The following ART3 variants were observed in gnomAD, a reference collection of about 807,000 sequenced individuals.
The protein encoded by ART3 is ecto-ADP-ribosyltransferase 3.
In ART3, 49 loss-of-function variants were observed where a neutral mutation model predicts 48.5. The ratio of observed to expected loss-of-function variants is 1.01; its 90% confidence interval spans 0.80 to 1.28. The LOEUF (loss-of-function observed/expected upper bound fraction) is 1.28, where lower values mean the gene tolerates loss of function less well. Among genes scored for constraint, ART3 ranks in the 50% most tolerant of loss-of-function variants. The pLI is 0.00. For missense variants in ART3, 438 were observed against 454.3 expected (o/e 0.96, Z 0.33); for synonymous variants, 145 against 157.2 (o/e 0.92, Z 0.58).
At chr4:76,022,023 A>T in intron 1 of ART3, 1 of 1,328,022 alleles carries the variant, frequency 7.5e-7, no homozygotes, top group Non-Finnish European at 1.1e-6. Flanking sequence ...TTTGGAAAGT[A>T]CCGAGTTCAT....
In ART3 at chr4:76,082,348, C is replaced by T. The variant is rs1419554887; in HGVS notation, c.594C>T (p.Leu198=). The part of the protein sequence containing the change: ...SAKPQAANDQ[L]TVLSIYTCLG... ...AACCTCAGGCTGCTAATGACCAGCTCACTGTGTTATCCATCTACACATGCC... is the reference window on the plus strand; with the variant it reads ...AACCTCAGGCTGCTAATGACCAGCTTACTGTGTTATCCATCTACACATGCC... Residue 198 remains leucine (L), a synonymous_variant, in exon 3 of 12, where the codon CTC becomes CTT. Coordinates refer to ENST00000355810, the MANE Select transcript of ART3 (RefSeq NM_001130016.3). 3 of 1,613,850 alleles carry T rather than the reference C, an allele frequency of 1.9e-6. No homozygotes were observed. In the South Asian group the frequency reaches 3.3e-5, roughly 18 times the overall value.
At chr4:76,011,711 TG>T (rs1302270756) in intron 1 of ART3, among the ~76,000 whole-genome samples, 1 of 152,208 alleles carries the variant, frequency 6.6e-6, no homozygotes, top group African/African-American at 2.4e-5. Flanking sequence ...CCCTACTTCG[TG>T]GTGAAACTGT....
chr4:76,028,209 C>A (rs1733581425), intron 1 of ART3, among the ~76,000 whole-genome samples: 1 of 152,050 alleles, frequency 6.6e-6, no homozygotes, highest in Non-Finnish European at 1.5e-5. Flanking sequence ...CAGTAGCAAG[C>A]CCACTATTAC....
intron 1 of ART3, among the ~76,000 whole-genome samples, chr4:76,011,834 C>T (rs545086192): frequency 6.6e-6 from 1 of 152,260 alleles, no homozygotes; most frequent in East Asian, 1.9e-4. Context: ...ACTTGTCATG[C>T]AAAGTCTGAG....
chr4:76,034,101 T>A, intron 1 of ART3: 1 of 204,632 alleles, frequency 4.9e-6, no homozygotes, highest in Non-Finnish European at 9.6e-6. Context: ...TAGCGTATAA[T>A]TTTTTTCATA....
chr4:76,071,688 T>C (rs1281860847), upstream of ART3, among the ~76,000 whole-genome samples: 4 of 152,198 alleles, frequency 2.6e-5, no homozygotes, highest in African/African-American at 9.7e-5. Context: ...TGATCTTTCC[T>C]TTCTTTTGTA....
intron 1 of ART3, among the ~76,000 whole-genome samples, chr4:76,018,144 CA>C (rs1205774020): frequency 1.3e-5 from 2 of 152,178 alleles, no homozygotes; most frequent in African/African-American, 4.8e-5. Flanking sequence ...GACACGTGCA[CA>C]TGTATGTCAT....
At chr4:76,021,875 G>A in intron 1 of ART3, 2 of 1,537,082 alleles carry the variant, frequency 1.3e-6, no homozygotes, top group East Asian at 4.5e-5. Flanking sequence ...GGGAGAGGCA[G>A]CCTCTGTGTG....
intron 1 of ART3, chr4:76,021,845 A>C: frequency 7.8e-7 from 1 of 1,276,602 alleles, no homozygotes. Context: ...CTTGACATAT[A>C]CTCCATGTAG....
chr4:76,036,528 C>G (rs1734428995), intron 1 of ART3, among the ~76,000 whole-genome samples: 1 of 152,056 alleles, frequency 6.6e-6, no homozygotes, highest in Non-Finnish European at 1.5e-5. Context: ...ACCAGATGAC[C>G]TTTATTCAAT....
chr4:76,069,336 T>C lies in ART3; in HGVS notation c.-9-6545T>C, dbSNP rs868065259. ...ATCAATAATCTACTTTCTGTCTGTATAGATCTGTCTACTCTGGACATTTCA... is the reference window on the plus strand; with the variant it reads ...ATCAATAATCTACTTTCTGTCTGTACAGATCTGTCTACTCTGGACATTTCA... On this transcript the variant is annotated intron_variant, in intron 1 of 9. Coordinates refer to the ART3 transcript ENST00000341029. Among the ~76,000 whole-genome samples the C allele has an allele frequency of 8.6e-5, 13 of 151,788 alleles. 1 individual carries two copies. Among genetic ancestry groups the C allele is most frequent in the Admixed American group, 2.6e-4 (4 of 15,234 alleles).
chr4:76,087,031 T>G (rs1209121930), intron 3 of ART3, among the ~76,000 whole-genome samples: 2 of 152,140 alleles, frequency 1.3e-5, no homozygotes, highest in African/African-American at 2.4e-5. Flanking sequence ...ATGGTACCGC[T>G]TTTGGTGTTT....
chr4:76,062,338 G>T (rs760346738), intron 1 of ART3, among the ~76,000 whole-genome samples: 1 of 151,898 alleles, frequency 6.6e-6, no homozygotes, highest in Non-Finnish European at 1.5e-5. Flanking sequence ...TCCAACCTTG[G>T]GAAAAAAGTT....
intron 2 of ART3, 132 bp from the exon 3 acceptor site, chr4:76,081,692 C>A: frequency 1.2e-6 from 1 of 832,190 alleles, no homozygotes; most frequent in Non-Finnish European, 1.9e-6. Context: ...TGCATAAAAA[C>A]CTACCCAAAA....
intron 1 of ART3, among the ~76,000 whole-genome samples, chr4:76,065,472 G>GT (rs1053518067): frequency 2.6e-5 from 4 of 151,398 alleles, no homozygotes; most frequent in South Asian, 2.1e-4. Context: ...TGAGAATCAG[G>GT]TTTTTTTCTC....
At chr4:76,036,057 T>G in intron 1 of ART3, 1 of 1,421,708 alleles carries the variant, frequency 7.0e-7, no homozygotes, top group Non-Finnish European at 9.9e-7. Context: ...TTGGAAGGAG[T>G]AGAAATGCTG....
At chr4:76,085,365 G>A (rs1450272006) in intron 3 of ART3, among the ~76,000 whole-genome samples, 1 of 152,192 alleles carries the variant, frequency 6.6e-6, no homozygotes. Context: ...TGTCTGGGTA[G>A]GGACAGATCC....
chr4:76,086,185 A>G (rs922585448), intron 3 of ART3, among the ~76,000 whole-genome samples: 2 of 151,962 alleles, frequency 1.3e-5, no homozygotes, highest in African/African-American at 4.8e-5. Context: ...TCTCATGTTC[A>G]CTGCAGCATT....
At chr4:76,027,425 G>A (rs4859591) in intron 1 of ART3, among the ~76,000 whole-genome samples, 92,956 of 151,978 alleles carry the variant, frequency 0.61, 29,504 homozygotes, top group East Asian at 0.94. Flanking sequence ...TGTTACTTAA[G>A]TAAGTGGCCA....
Sources: gnomAD v4.1 joint callset for allele counts (sites outside exome capture counted in the v4.1 genomes callset) on GRCh38, gnomAD v4.1.1 for gene constraint, MANE v1.5 for transcripts, NCBI Gene and HGNC (gene_info 2026-07-23, HGNC 2026-07-21) for gene names.